ASB2: variants seen among roughly 807,000 people sequenced by gnomAD.
ASB2 encodes ankyrin repeat and SOCS box protein 2.
In ASB2, 58 loss-of-function variants were observed where a neutral mutation model predicts 62.4. The ratio of observed to expected loss-of-function variants is 0.93; its 90% CI spans 0.75 to 1.16. The LOEUF is 1.16. ASB2 is among the 50% of genes most tolerant of loss of function. ASB2 has a pLI of 0.00. For synonymous variants in ASB2, 386 were observed against 385.3 expected (o/e 1.00, Z -0.02); for missense variants, 928 against 887.9 (o/e 1.05, Z -0.57).
At chr14:93,958,469 G>T (rs889848631) in intron 2 of ASB2, among the ~76,000 whole-genome samples, 2 of 152,106 alleles carry the variant, frequency 1.3e-5, no homozygotes, top group African/African-American at 4.8e-5. Flanking sequence ...CCAGCTCTCC[G>T]ACCTCCACAC....
At chr14:93,972,070 C>T (rs1487782415) in intron 1 of ASB2, among the ~76,000 whole-genome samples, 1 of 148,322 alleles carries the variant, frequency 6.7e-6, no homozygotes, top group Non-Finnish European at 1.5e-5. Flanking sequence ...ATAATATACA[C>T]ACATATACAT....
At chr14:93,974,370 T>C (rs947821664) in intron 1 of ASB2, among the ~76,000 whole-genome samples, 2 of 152,218 alleles carry the variant, frequency 1.3e-5, no homozygotes, top group African/African-American at 4.8e-5. Context: ...ACAATGGTGC[T>C]AAGGAAAGAG....
chr14:93,972,422 CT>C (rs1336534541), intron 1 of ASB2, among the ~76,000 whole-genome samples: 1 of 152,160 alleles, frequency 6.6e-6, no homozygotes, highest in Non-Finnish European at 1.5e-5. Context: ...AAAAATTAAG[CT>C]GGTGCCTGTG....
chr14:93,952,038 C>T (rs1452066665), intron 5 of ASB2, among the ~76,000 whole-genome samples: 1 of 152,148 alleles, frequency 6.6e-6, no homozygotes, highest in Non-Finnish European at 1.5e-5. Context: ...TTCTCTGTGT[C>T]CGTGTCAGTG....
In ASB2 at chr14:93,937,696, AC is replaced by A. The variant is rs1156417774; in HGVS notation, c.1771+1del. On this transcript the variant is annotated splice_donor_variant, in intron 9 of 9. Coordinates refer to ENST00000555019, the MANE Select transcript of ASB2 (RefSeq NM_001202429.2). LOFTEE classifies it high-confidence loss of function. ...GCCTTGGCAGCAGCAGCAAGTCCCT[AC>A]CTGCCTTCTCCTTGATGACGGCCCA... The A allele has an allele frequency of 1.9e-6, 3 of 1,605,304 alleles. No individual in the cohort carries two copies. The highest frequency in any genetic ancestry group is 2.6e-6 in the Non-Finnish European group (3 of 1,172,734).
At chr14:93,954,200 G>A (rs1452961330) in intron 4 of ASB2, 117 bp downstream of exon 4, 1 of 821,348 alleles carries the variant, frequency 1.2e-6, no homozygotes, top group East Asian at 2.4e-5. Context: ...GAAAGTGACA[G>A]CCTTGCCTGC....
At chr14:93,956,037 A>G (rs1036190787) in intron 3 of ASB2, among the ~76,000 whole-genome samples, 1 of 152,162 alleles carries the variant, frequency 6.6e-6, no homozygotes, top group African/African-American at 2.4e-5. Context: ...GAAAGAAAAT[A>G]TTGGCCAATT....
chr14:93,965,065 A>G (rs560917053), intron 1 of ASB2, among the ~76,000 whole-genome samples: 4 of 151,888 alleles, frequency 2.6e-5, no homozygotes, highest in Non-Finnish European at 4.4e-5. Flanking sequence ...CATCCATCCA[A>G]CTGTCCTCCC....
intron 2 of ASB2, among the ~76,000 whole-genome samples, chr14:93,958,329 T>C (rs975471047): frequency 2.0e-5 from 3 of 152,196 alleles, no homozygotes; most frequent in African/African-American, 7.2e-5. Context: ...GAGAGGGGAC[T>C]TAACTGTGCA....
chr14:93,942,395 G>C (rs1888561364), intron 7 of ASB2: 2 of 422,898 alleles, frequency 4.7e-6, no homozygotes, highest in Non-Finnish European at 9.7e-6. Context: ...AGCAGATCCA[G>C]CTCAGGGTCA....
At chr14:93,935,526 G>A (rs1023360571) in intron 9 of ASB2, among the ~76,000 whole-genome samples, 2 of 152,224 alleles carry the variant, frequency 1.3e-5, no homozygotes, top group African/African-American at 4.8e-5. Flanking sequence ...CTGCCCAGAG[G>A]CTCTAGTGGA....
At chr14:93,975,533 C>T (rs7154974) in intron 1 of ASB2, among the ~76,000 whole-genome samples, 4,764 of 152,296 alleles carry the variant, frequency 0.031, 265 homozygotes, top group African/African-American at 0.11. Context: ...ATCCCAGATG[C>T]TCAATGCATG....
At chr14:93,970,648 G>A (rs1341964980) in intron 1 of ASB2, among the ~76,000 whole-genome samples, 9 of 152,160 alleles carry the variant, frequency 5.9e-5, no homozygotes, top group Admixed American at 6.5e-5. Flanking sequence ...GTGAATGAAC[G>A]ATAGGATCAT....
chr14:93,971,694 T>C (rs778013507), intron 1 of ASB2, among the ~76,000 whole-genome samples: 7 of 152,206 alleles, frequency 4.6e-5, no homozygotes, highest in Non-Finnish European at 1.0e-4. Flanking sequence ...TATTTGTCTT[T>C]AGTTTGAACC....
intron 1 of ASB2, among the ~76,000 whole-genome samples, chr14:93,965,037 T>C (rs929624320): frequency 2.9e-4 from 44 of 152,304 alleles, no homozygotes; most frequent in African/African-American, 9.9e-4. Context: ...CATCCATTCA[T>C]CTTTCTATCC....
At chr14:93,953,319 G>A (rs68087715) in intron 5 of ASB2, 33 bp downstream of exon 5, 77 of 1,501,872 alleles carry the variant, frequency 5.1e-5, no homozygotes, top group East Asian at 2.9e-4. Flanking sequence ...GGATTCTTCC[G>A]CAGGAAAGCT....
rs900842021 is a variant in ASB2 at position 93,948,120 on chromosome 14, G to A, written c.881-600C>T. 3 of 154,368 alleles carry A rather than the reference G, an allele frequency of 1.9e-5. 1 individual carries two copies. Among genetic ancestry groups the A allele is most frequent in the Admixed American group, 6.5e-5 (1 of 15,280 alleles). The allele number at this position is 154,368 out of a possible 1,614,324, so 9.6% of individuals were successfully genotyped here. ...GCACCTACTACGTGCTGAACATCGT[G>A]CTTTCCACAGGCTATATCTGAATCC... On this transcript the variant is annotated intron_variant, in intron 6 of 9. Transcript: ENST00000555019.
chr14:93,953,504 T>A lies in ASB2; in HGVS notation c.482A>T (p.Tyr161Phe). 6.3e-7 allele frequency: 1 copy of A among 1,581,570 alleles called. No individual in the cohort carries two copies. Among genetic ancestry groups the A allele is most frequent in the Non-Finnish European group, 8.6e-7 (1 of 1,156,722 alleles). The change falls in exon 5 of 10, where the codon TAC becomes TTC. Residue 161 changes from tyrosine to phenylalanine, a missense_variant. Tyr to Phe is a conservative substitution (Grantham distance 22). Transcript: ENST00000555019. The part of the protein sequence containing the change: ...VGCLKVLQRA[Y>F]PGTIDQRTLQ... ...GGTGCGCTGGTCGATGGTCCCTGGG[T>A]ACGCTAGGGAGGGCCCACCGGGAAA... is the stretch of plus-strand genomic sequence containing the variant.
intron 1 of ASB2, among the ~76,000 whole-genome samples, chr14:93,972,291 C>A (rs1286174517): frequency 6.6e-6 from 1 of 151,976 alleles, no homozygotes; most frequent in East Asian, 1.9e-4. Context: ...ATCTGCCTTT[C>A]CCCCCAGGAT....
Sources: allele counts gnomAD v4.1 joint callset (sites outside exome capture counted in the v4.1 genomes callset), GRCh38; gene constraint gnomAD v4.1.1; transcripts MANE v1.5; gene names NCBI Gene and HGNC (gene_info 2026-07-23, HGNC 2026-07-21).